Variants in PTPRN2 observed in about 807,000 individuals in gnomAD.
PTPRN2 encodes the protein receptor-type tyrosine-protein phosphatase N2.
In PTPRN2, 74 loss-of-function variants were observed where a neutral mutation model predicts 118.8. The ratio of observed to expected loss-of-function variants is 0.62; its 90% CI spans 0.52 to 0.76. PTPRN2 has a LOEUF of 0.76. Among genes scored for constraint, PTPRN2 ranks in the 30% least tolerant of loss-of-function variants. The pLI, the probability that PTPRN2 is intolerant of heterozygous loss-of-function variation, is 0.00. For missense variants in PTPRN2, 1,481 were observed against 1,394.4 expected (o/e 1.06, Z -0.99); for synonymous variants, 641 against 608.0 (o/e 1.05, Z -0.80).
At chr7:158,321,463 G>A (rs1586252440) in intron 2 of PTPRN2, among the ~76,000 whole-genome samples, 1 of 152,078 alleles carries the variant, frequency 6.6e-6, no homozygotes, top group Admixed American at 6.5e-5. Context: ...CCCTATCGTC[G>A]AAGCCCGGAC....
chr7:158,380,726 C>T (rs1452233136), intron 2 of PTPRN2, among the ~76,000 whole-genome samples: 2 of 152,264 alleles, frequency 1.3e-5, no homozygotes, highest in African/African-American at 4.8e-5. Context: ...CAGGTTCCAA[C>T]TCCACATTTC....
chr7:158,548,347 G>A (rs1826431077), intron 1 of PTPRN2, among the ~76,000 whole-genome samples: 1 of 152,186 alleles, frequency 6.6e-6, no homozygotes, highest in Non-Finnish European at 1.5e-5. Flanking sequence ...TCCATGCACT[G>A]CCACCGAGGT....
intron 11 of PTPRN2, among the ~76,000 whole-genome samples, chr7:157,945,934 C>G (rs1431764732): frequency 1.3e-5 from 2 of 152,132 alleles, no homozygotes; most frequent in East Asian, 3.9e-4. Context: ...CTGGACATCC[C>G]TACCCTGCTT....
intron 14 of PTPRN2, among the ~76,000 whole-genome samples, chr7:157,631,365 C>T (rs753300181): frequency 5.3e-5 from 8 of 152,126 alleles, no homozygotes; most frequent in Non-Finnish European, 8.8e-5. Context: ...GTTTTGAGAC[C>T]GGGAACGCTA....
chr7:158,188,679 C>G (rs1420217204), intron 5 of PTPRN2, among the ~76,000 whole-genome samples: 1 of 147,838 alleles, frequency 6.8e-6, no homozygotes, highest in African/African-American at 2.5e-5. Flanking sequence ...ACGCTCGCCC[C>G]CTGTACTGGA....
intron 11 of PTPRN2, among the ~76,000 whole-genome samples, chr7:157,993,674 C>T (rs771127166): frequency 2.0e-5 from 3 of 152,204 alleles, no homozygotes; most frequent in Non-Finnish European, 4.4e-5. Flanking sequence ...GGGTGGGCCA[C>T]AGAGCTAGGT....
chr7:157,967,253 T>C (rs1271631629), intron 11 of PTPRN2, among the ~76,000 whole-genome samples: 1 of 152,224 alleles, frequency 6.6e-6, no homozygotes, highest in East Asian at 1.9e-4. Context: ...GAGGCTGCAG[T>C]GCACTGTGAT....
At chr7:158,482,515 G>C (rs1473197240) in intron 2 of PTPRN2, among the ~76,000 whole-genome samples, 1 of 152,208 alleles carries the variant, frequency 6.6e-6, no homozygotes. Flanking sequence ...GTGATCATTA[G>C]CATTTTTAGC....
intron 12 of PTPRN2, among the ~76,000 whole-genome samples, chr7:157,720,463 C>T (rs1799168792): frequency 6.6e-6 from 1 of 152,244 alleles, no homozygotes; most frequent in African/African-American, 2.4e-5. Context: ...CCTTGTTGCA[C>T]ACCCGGGTCA....
chr7:158,387,180 G>A (rs10235598), intron 2 of PTPRN2, among the ~76,000 whole-genome samples: 86,089 of 152,178 alleles, frequency 0.57, 25,140 homozygotes, highest in African/African-American at 0.71. Flanking sequence ...TTCAACCAGC[G>A]GCTGCCCTGG....
At chr7:157,992,522 G>C (rs185056866) in intron 11 of PTPRN2, among the ~76,000 whole-genome samples, 43 of 152,324 alleles carry the variant, frequency 2.8e-4, no homozygotes, top group Admixed American at 1.5e-3. Flanking sequence ...ATGGTGCTAA[G>C]GTTTTAATAA....
intron 2 of PTPRN2, among the ~76,000 whole-genome samples, chr7:158,350,678 G>C (rs953604405): frequency 1.3e-5 from 2 of 152,100 alleles, no homozygotes; most frequent in Admixed American, 6.5e-5. Flanking sequence ...AGGGACAGGA[G>C]AGCCCCTGCC....
chr7:157,826,211 C>T (rs566454386), intron 12 of PTPRN2, among the ~76,000 whole-genome samples: 8 of 148,688 alleles, frequency 5.4e-5, no homozygotes, highest in South Asian at 2.2e-4. Flanking sequence ...AGCACGAACA[C>T]GATCGTCACA....
chr7:158,379,049 T>TGAG lies in PTPRN2; in HGVS notation c.164-62118_164-62117insCTC, dbSNP rs765220102. Among the ~76,000 whole-genome samples the TGAG allele has an allele frequency of 5.3e-5, 8 of 151,966 alleles. No homozygotes were observed. The South Asian group carries it at 1.7e-3, about 32-fold the overall frequency. Reference sequence around the variant, plus strand: ...GAGCTCCCTGCAGGGTGAGGCAGGGTGCGGGGTGAGAAGTGCTGGGTTAGG... The same window carrying TGAG: ...GAGCTCCCTGCAGGGTGAGGCAGGGTGAGGCGGGGTGAGAAGTGCTGGGTTAGG... On this transcript the variant is annotated intron_variant, in intron 2 of 22. Coordinates refer to ENST00000389418, the MANE Select transcript of PTPRN2 (RefSeq NM_002847.5).
intron 11 of PTPRN2, among the ~76,000 whole-genome samples, chr7:158,047,472 A>G (rs1389367762): frequency 1.3e-5 from 2 of 152,160 alleles, no homozygotes; most frequent in Non-Finnish European, 2.9e-5. Context: ...GCCTGCAGTC[A>G]CTGAGCGTGT....
intron 2 of PTPRN2, among the ~76,000 whole-genome samples, chr7:158,396,431 T>TGC (rs1563242082): frequency 6.6e-6 from 1 of 152,192 alleles, no homozygotes; most frequent in Non-Finnish European, 1.5e-5. Flanking sequence ...CACGTGTGTG[T>TGC]GCATGAATGT....
At chr7:158,295,784 T>A (rs957585063) in intron 3 of PTPRN2, among the ~76,000 whole-genome samples, 24 of 151,520 alleles carry the variant, frequency 1.6e-4, no homozygotes, top group Non-Finnish European at 3.5e-4. Context: ...TCCGCACGGT[T>A]CACCCGCCTT....
intron 2 of PTPRN2, among the ~76,000 whole-genome samples, chr7:158,348,165 G>A (rs1023008502): frequency 2.6e-5 from 4 of 152,084 alleles, no homozygotes; most frequent in East Asian, 1.9e-4. Context: ...GTGAACAGGT[G>A]GACAAGCAGC....
rs1804770751 is a variant in PTPRN2 at position 157,794,964 on chromosome 7, C to A, written c.1788+103709G>T. ...GTGCTTCCCTCACTTAGCGGGGATG[C>A]AATTATAAAGTATTGAAACTTCCTC... is the stretch of plus-strand genomic sequence containing the variant. On this transcript the variant is annotated intron_variant, in intron 12 of 22. Coordinates refer to ENST00000389418, the MANE Select transcript of PTPRN2 (RefSeq NM_002847.5). This position sits in a 1 kb window ranked among gnomAD's most constrained non-coding sequence, Gnocchi z 5.2. Among the ~76,000 whole-genome samples the A allele has an allele frequency of 6.6e-6, 1 of 152,208 alleles. No homozygotes were observed. The highest frequency in any genetic ancestry group is 2.4e-5 in the African/African-American group (1 of 41,438).
Sources: gnomAD v4.1 joint callset for allele counts (sites outside exome capture counted in the v4.1 genomes callset) on GRCh38, gnomAD v4.1.1 for gene constraint, Gnocchi (gnomAD v3.1) non-coding constraint, MANE v1.5 for transcripts, NCBI Gene and HGNC (gene_info 2026-07-23, HGNC 2026-07-21) for gene names.